XPNPEP3: variants seen among roughly 807,000 people sequenced by gnomAD.
The protein encoded by XPNPEP3 is xaa-Pro aminopeptidase 3.
Under a neutral mutation model 60.0 loss-of-function variants are expected in XPNPEP3, and 41 were observed. The ratio of observed to expected loss-of-function variants is 0.68; its 90% CI spans 0.53 to 0.89. The LOEUF (loss-of-function observed/expected upper bound fraction) is 0.89. Among genes scored for constraint, XPNPEP3 ranks in the 40% least tolerant of loss-of-function variants. The probability of loss-of-function intolerance (pLI) is 0.00; values close to 1 mark genes in which losing one functional copy is unlikely to be tolerated. For missense variants in XPNPEP3, 598 were observed against 638.9 expected (o/e 0.94, Z 0.69); for synonymous variants, 212 against 223.2 (o/e 0.95, Z 0.45).
intron 7 of XPNPEP3, among the ~76,000 whole-genome samples, chr22:40,920,283 G>A (rs768447831): frequency 2.0e-5 from 3 of 152,102 alleles, no homozygotes; most frequent in Admixed American, 6.6e-5. Flanking sequence ...CAGGAGAATC[G>A]CTTGAACCCG....
Position 40,930,575 on chromosome 22 carries a change from C to CTT in XPNPEP3, c.*4151_*4152dup, listed in dbSNP as rs546404938. The stretch of plus-strand genomic sequence containing the variant: ...ATTTATTTGTGTTGAGCCTTTAGTT[C>CTT]TTTTTTTTTTTTGAGATAGAGTCTC... On this transcript the variant is annotated 3_prime_UTR_variant, in exon 10 of 10. Coordinates refer to ENST00000357137, the MANE Select transcript of XPNPEP3 (RefSeq NM_022098.4). 1.5e-5 allele frequency: 2 copies of CTT among 136,110 alleles called. No homozygotes were observed. Among genetic ancestry groups the CTT allele is most frequent in the Non-Finnish European group, 3.2e-5 (2 of 61,786 alleles). 8.4% of individuals were successfully genotyped at this position (136,110 alleles called of 1,614,324 possible). A position where few individuals can be genotyped will look rare whatever the true frequency, so the allele number is the denominator to read the frequency against.
At chr22:40,895,159 G>A (rs1032243274) in intron 4 of XPNPEP3, among the ~76,000 whole-genome samples, 1 of 152,090 alleles carries the variant, frequency 6.6e-6, no homozygotes, top group African/African-American at 2.4e-5. Flanking sequence ...ATAATTGAAA[G>A]GAGGGATCCT....
intron 7 of XPNPEP3, among the ~76,000 whole-genome samples, chr22:40,916,044 G>A (rs543361319): frequency 3.3e-5 from 5 of 152,238 alleles, no homozygotes; most frequent in African/African-American, 9.6e-5. Flanking sequence ...TGTAATTCTA[G>A]CACTTTGGGG....
chr22:40,857,896 A>G (rs1237890113), intron 1 of XPNPEP3, among the ~76,000 whole-genome samples: 3 of 152,234 alleles, frequency 2.0e-5, no homozygotes, highest in African/African-American at 4.8e-5. Context: ...TGTGAACCAG[A>G]ACGTATGGTA....
intron 4 of XPNPEP3, among the ~76,000 whole-genome samples, chr22:40,896,702 A>G (rs116168153): frequency 0.045 from 6,789 of 152,208 alleles, 481 homozygotes; most frequent in African/African-American, 0.15. Flanking sequence ...TAGAAATTCA[A>G]TGACATTAGG....
In XPNPEP3 at chr22:40,932,428, T is replaced by A. The variant is rs771646974; in HGVS notation, c.*5993T>A. ...AGAAAATATAATTTGAGGTGTTTTT[T>A]ATGCTCCTAATGAAAAGATGAATGA... On this transcript the variant is annotated 3_prime_UTR_variant, in exon 10 of 10. Transcript: ENST00000357137. 5.9e-5 allele frequency: 9 copies of A among 152,258 alleles called. No individual in the cohort carries two copies. The South Asian group carries it at 1.0e-3, about 18-fold the overall frequency. The allele number at this position is 152,258 out of a possible 1,614,324, so 9.4% of individuals were successfully genotyped here.
intron 1 of XPNPEP3, chr22:40,861,746 T>C: frequency 3.1e-6 from 5 of 1,613,564 alleles, no homozygotes; most frequent in Non-Finnish European, 4.2e-6. Context: ...CGTACTCACA[T>C]TCATCATCAA....
Position 40,926,352 on chromosome 22 carries a change from ACT to A in XPNPEP3, c.1443_1444del (p.Gln482GlyfsTer16). 6.2e-7 allele frequency: 1 copy of A among 1,614,142 alleles called. No homozygotes were observed. The highest frequency in any genetic ancestry group is 8.5e-7 in the Non-Finnish European group (1 of 1,180,032). On this transcript the variant is annotated frameshift_variant, in exon 10 of 10. Coordinates refer to ENST00000357137, the MANE Select transcript of XPNPEP3 (RefSeq NM_022098.4). LOFTEE classifies it high-confidence loss of function. ...ACGAATTGAGGATGATGTAGTGGTG[ACT>A]CAGGACTCACCTCTCATCCTTTCTG... is the stretch of plus-strand genomic sequence containing the variant. ...GVRIEDDVVV[T>X]QDSPLILSAD...
chr22:40,866,511 G>A (rs1177835583), intron 1 of XPNPEP3, among the ~76,000 whole-genome samples: 1 of 152,088 alleles, frequency 6.6e-6, no homozygotes, highest in Non-Finnish European at 1.5e-5. Flanking sequence ...ATTTTTTAAT[G>A]CAAATGCTAT....
intron 3 of XPNPEP3, among the ~76,000 whole-genome samples, chr22:40,884,140 G>T (rs1293203743): frequency 6.6e-6 from 1 of 151,832 alleles, no homozygotes; most frequent in Non-Finnish European, 1.5e-5. Context: ...TAGATAATTA[G>T]CCTGTTCAAT....
At position 40,904,070 on chromosome 22, in the gene XPNPEP3, C is replaced by T. The variant is rs536103092; in HGVS notation, c.793-3517C>T. 5.9e-5 allele frequency among the ~76,000 whole-genome samples: 9 copies of T among 152,200 alleles called. No individual in the cohort carries two copies. In the South Asian group the frequency reaches 1.7e-3, roughly 28 times the overall value. On this transcript the variant is annotated intron_variant, in intron 4 of 9. Transcript: ENST00000357137. ...TTTTAACAGTCAAAATACAAACATT[C>T]AGGTAGCACTTAGTGAAGTAAGAGT...
At chr22:40,864,212 G>A (rs1263611085) in intron 1 of XPNPEP3, among the ~76,000 whole-genome samples, 1 of 152,200 alleles carries the variant, frequency 6.6e-6, no homozygotes, top group East Asian at 1.9e-4. Flanking sequence ...AGACCATATA[G>A]GGTAACTTCC....
In XPNPEP3 at chr22:40,929,095, C is replaced by T. The variant is rs1467407863; in HGVS notation, c.*2660C>T. ...GCTGCTCACTTCCCAGGCTCTGTGC[C>T]CCCAACAGCCCTTTCCTTGGATTGT... On this transcript the variant is annotated 3_prime_UTR_variant, in exon 10 of 10. Transcript: ENST00000357137. 1 of 152,110 alleles carries T rather than the reference C, an allele frequency of 6.6e-6. No homozygotes were observed. Among genetic ancestry groups the T allele is most frequent in the Non-Finnish European group, 1.5e-5 (1 of 68,044 alleles). 9.4% of individuals were successfully genotyped at this position (152,110 alleles called of 1,614,324 possible).
chr22:40,861,323 T>C (rs2057944765), intron 1 of XPNPEP3: 8 of 1,614,050 alleles, frequency 5.0e-6, no homozygotes, highest in Non-Finnish European at 6.8e-6. Flanking sequence ...CCACACTATT[T>C]ACAAGAAAAA....
chr22:40,890,166 A>G lies in XPNPEP3; in HGVS notation c.792+3651A>G, dbSNP rs577647689. 8.5e-5 allele frequency among the ~76,000 whole-genome samples: 13 copies of G among 152,314 alleles called. No individual in the cohort carries two copies. The South Asian group carries it at 2.7e-3, about 32-fold the overall frequency. On this transcript the variant is annotated intron_variant, in intron 4 of 9. Coordinates refer to ENST00000357137, the MANE Select transcript of XPNPEP3 (RefSeq NM_022098.4). ...AATTTTATAAGCTCCTAAAATATTA[A>G]TTTTACCTGACCCCTATATTACATC...
At chr22:40,914,531 A>ATTTTTTTTTT (rs560908648) in intron 7 of XPNPEP3, among the ~76,000 whole-genome samples, 1 of 67,604 alleles carries the variant, frequency 1.5e-5, no homozygotes, top group African/African-American at 5.7e-5. Context: ...ACTAACAAAG[A>ATTTTTTTTTT]TTTTTTTTTT....
chr22:40,881,706 A>C (rs2146250049), intron 2 of XPNPEP3, 64 bp from the exon 3 acceptor site: 1 of 1,574,082 alleles, frequency 6.4e-7, no homozygotes, highest in African/African-American at 1.4e-5. Context: ...ATCTAATATT[A>C]AACTACCTTA....
chr22:40,859,065 C>A (rs2057925019), intron 1 of XPNPEP3, among the ~76,000 whole-genome samples: 1 of 152,042 alleles, frequency 6.6e-6, no homozygotes, highest in Non-Finnish European at 1.5e-5. Context: ...CCTTAATAGT[C>A]TAGGTTTCTG....
intron 1 of XPNPEP3, among the ~76,000 whole-genome samples, chr22:40,866,246 TAAC>T (rs1475046981): frequency 2.0e-5 from 3 of 152,088 alleles, no homozygotes; most frequent in African/African-American, 7.2e-5. Flanking sequence ...TAAAGTCAAA[TAAC>T]AAGTGATCTC....
Sources: allele counts gnomAD v4.1 joint callset (sites outside exome capture counted in the v4.1 genomes callset), GRCh38; gene constraint gnomAD v4.1.1; transcripts MANE v1.5; gene names NCBI Gene and HGNC (gene_info 2026-07-23, HGNC 2026-07-21).